Variants in CCDC102B observed in about 807,000 individuals in gnomAD.
CCDC102B encodes the protein coiled-coil domain-containing protein 102B.
In CCDC102B, 75 loss-of-function variants were observed where a neutral mutation model predicts 57.4. The observed-to-expected ratio is 1.31, with a 90% CI of 1.08 to 1.58. The LOEUF (loss-of-function observed/expected upper bound fraction) is 1.58, where lower values mean the gene tolerates loss of function less well. Ranked by LOEUF, CCDC102B falls within the 40% of genes most tolerant of loss-of-function variation. The pLI, the probability that CCDC102B is intolerant of heterozygous loss-of-function variation, is 0.00. For synonymous variants in CCDC102B, 206 were observed against 201.9 expected, an observed-to-expected ratio of 1.02 and a Z score of -0.17; for missense variants, 636 against 582.6, an observed-to-expected ratio of 1.09 and a Z score of -0.94.
intron 2 of CCDC102B, among the ~76,000 whole-genome samples, chr18:68,760,961 A>C (rs1433279803): frequency 2.0e-5 from 3 of 152,026 alleles, no homozygotes; most frequent in African/African-American, 7.2e-5. Context: ...AAAGAAAAAA[A>C]ATTCAGCCTC....
intron 2 of CCDC102B, among the ~76,000 whole-genome samples, chr18:68,742,973 C>T (rs902342828): frequency 2.0e-5 from 3 of 152,160 alleles, no homozygotes; most frequent in Non-Finnish European, 4.4e-5. Flanking sequence ...TTATAATGTT[C>T]TGTTTAAATT....
intron 6 of CCDC102B, among the ~76,000 whole-genome samples, chr18:68,969,476 A>AT (rs2050245482): frequency 7.0e-6 from 1 of 142,540 alleles, no homozygotes; most frequent in African/African-American, 2.6e-5. Flanking sequence ...TCTCCTTTTA[A>AT]TCTTTTTTTT....
intron 2 of CCDC102B, among the ~76,000 whole-genome samples, chr18:68,725,022 G>A (rs974400211): frequency 1.5e-4 from 23 of 152,150 alleles, no homozygotes; most frequent in Non-Finnish European, 2.2e-4. Flanking sequence ...CAATCATGGC[G>A]GAAGGCACCT....
intron 6 of CCDC102B, among the ~76,000 whole-genome samples, chr18:68,973,281 C>G (rs766891268): frequency 6.6e-6 from 1 of 151,756 alleles, no homozygotes; most frequent in Non-Finnish European, 1.5e-5. Flanking sequence ...GCGTGTAAGT[C>G]TATATAAAAA....
intron 6 of CCDC102B, among the ~76,000 whole-genome samples, chr18:68,915,301 G>A (rs1237281183): frequency 6.6e-6 from 1 of 152,142 alleles, no homozygotes; most frequent in Non-Finnish European, 1.5e-5. Context: ...GGTAGCATAT[G>A]GACACATGAT....
chr18:69,043,130 C>G (rs1003248251), intron 7 of CCDC102B, among the ~76,000 whole-genome samples: 6 of 152,076 alleles, frequency 3.9e-5, no homozygotes, highest in African/African-American at 1.4e-4. Flanking sequence ...GTCTTTGCAT[C>G]ATAGACAAGG....
chr18:68,753,339 G>A (rs1183013830), intron 2 of CCDC102B: 1 of 152,090 alleles, frequency 6.6e-6, no homozygotes, highest in Non-Finnish European at 1.5e-5. Context: ...AGCTGAAAGA[G>A]AGCCTGGATC....
At chr18:68,767,436 A>G (rs1215187719) in intron 2 of CCDC102B, among the ~76,000 whole-genome samples, 1 of 152,240 alleles carries the variant, frequency 6.6e-6, no homozygotes, top group Non-Finnish European at 1.5e-5. Flanking sequence ...CTAAGAAGGA[A>G]TCCACTGTCA....
chr18:68,779,981 TAAGA>T (rs2034952590), intron 2 of CCDC102B, among the ~76,000 whole-genome samples: 1 of 152,082 alleles, frequency 6.6e-6, no homozygotes, highest in Non-Finnish European at 1.5e-5. Context: ...AAAATAAAAT[TAAGA>T]AAGAAACCCT....
intron 6 of CCDC102B, among the ~76,000 whole-genome samples, chr18:68,924,393 C>G (rs545330710): frequency 1.3e-5 from 2 of 152,164 alleles, no homozygotes; most frequent in East Asian, 3.9e-4. Flanking sequence ...CTCCACCATA[C>G]TTCTTCCTGC....
intron 6 of CCDC102B, among the ~76,000 whole-genome samples, chr18:68,978,894 A>G (rs1035569276): frequency 1.6e-4 from 25 of 152,228 alleles, no homozygotes; most frequent in Middle Eastern, 3.4e-3. Context: ...GGAAAGCTAT[A>G]GAGAAATGAT....
chr18:68,830,718 A>T (rs1025665705), intron 1 of CCDC102B, among the ~76,000 whole-genome samples: 2 of 148,264 alleles, frequency 1.3e-5, no homozygotes, highest in African/African-American at 5.2e-5. Flanking sequence ...TAAGTCTCAA[A>T]ATTTGTACAC....
chr18:68,750,439 G>A (rs1172698158), intron 2 of CCDC102B, among the ~76,000 whole-genome samples: 1 of 152,156 alleles, frequency 6.6e-6, no homozygotes, highest in Non-Finnish European at 1.5e-5. Flanking sequence ...CATCCCATTA[G>A]TGGGTATATA....
chr18:68,802,638 C>A, intron 1 of CCDC102B, among the ~76,000 whole-genome samples: 1 of 152,168 alleles, frequency 6.6e-6, no homozygotes, highest in East Asian at 1.9e-4. Flanking sequence ...AAGCTCTGGT[C>A]CTGGACCTCA....
intron 6 of CCDC102B, among the ~76,000 whole-genome samples, chr18:68,998,999 T>TAGAG (rs60271182): frequency 1.2e-4 from 5 of 43,342 alleles, no homozygotes; most frequent in African/African-American, 3.9e-4. Flanking sequence ...TATATATATA[T>TAGAG]AGAGAGAGAG....
At chr18:68,725,495 C>T (rs553954722) in intron 2 of CCDC102B, among the ~76,000 whole-genome samples, 2 of 152,296 alleles carry the variant, frequency 1.3e-5, no homozygotes, top group East Asian at 1.9e-4. Flanking sequence ...TTGGAATTTA[C>T]TTGTATGTGG....
intron 6 of CCDC102B, chr18:68,897,636 A>T: frequency 1.3e-6 from 2 of 1,499,214 alleles, no homozygotes. Flanking sequence ...AAATATGACA[A>T]ATCTTCAGAC....
At position 68,837,052 on chromosome 18, in the gene CCDC102B, G is replaced by T; in HGVS notation, c.289G>T (p.Asp97Tyr). The change falls in exon 2 of 8, where the codon GAC (aspartate) becomes TAC (tyrosine). Residue 97 changes from aspartate (D) to tyrosine (Y), a missense_variant. Coordinates refer to ENST00000360242, the MANE Select transcript of CCDC102B (RefSeq NM_024781.3). The stretch of plus-strand genomic sequence containing the variant: ...GGAAAAGACCATGCGGTGGTGGTCG[G>T]ACTGCACTGCCAACTGGAGAGAAAA... ...QMEKTMRWWS[D>Y]CTANWREKWS... 1.9e-6 allele frequency: 3 copies of T among 1,614,134 alleles called. No homozygotes were observed. The highest frequency in any genetic ancestry group is 2.5e-6 in the Non-Finnish European group (3 of 1,180,038).
At chr18:68,762,839 A>G (rs1018358318) in intron 2 of CCDC102B, among the ~76,000 whole-genome samples, 1 of 152,086 alleles carries the variant, frequency 6.6e-6, no homozygotes, top group Non-Finnish European at 1.5e-5. Flanking sequence ...GGAAAACATG[A>G]ACAGAAACGT....
Sources: gnomAD v4.1 joint callset for allele counts (sites outside exome capture counted in the v4.1 genomes callset) on GRCh38, gnomAD v4.1.1 for gene constraint, MANE v1.5 for transcripts, NCBI Gene and HGNC (gene_info 2026-07-23, HGNC 2026-07-21) for gene names.